MAP2K5: variants seen among roughly 807,000 people sequenced by gnomAD.
MAP2K5 encodes mitogen-activated protein kinase kinase 5, also known as dual specificity mitogen-activated protein kinase kinase 5.
MAP2K5 carries 49 observed loss-of-function variants against 83.1 expected under a neutral mutation model. That is an observed-to-expected ratio of 0.59 (90% CI 0.47 to 0.75). The LOEUF (loss-of-function observed/expected upper bound fraction) is 0.75. Among genes scored for constraint, MAP2K5 ranks in the 30% least tolerant of loss-of-function variants. MAP2K5 has a pLI of 0.00. For synonymous variants in MAP2K5, 202 were observed against 191.8 expected (o/e 1.05, Z -0.44); for missense variants, 457 against 557.5 (o/e 0.82, Z 1.82).
intron 8 of MAP2K5, among the ~76,000 whole-genome samples, chr15:67,610,962 A>G (rs575668639): frequency 3.9e-5 from 6 of 152,340 alleles, no homozygotes; most frequent in Admixed American, 3.3e-4. Flanking sequence ...GTGAATTTAA[A>G]TAATAAAATG....
At chr15:67,709,069 T>C (rs1473905266) in intron 16 of MAP2K5, among the ~76,000 whole-genome samples, 1 of 152,212 alleles carries the variant, frequency 6.6e-6, no homozygotes, top group Non-Finnish European at 1.5e-5. Flanking sequence ...TTTGACTTGA[T>C]GGGAAGAATT....
At chr15:67,571,632 T>C (rs1160905570) in intron 3 of MAP2K5, among the ~76,000 whole-genome samples, 1 of 152,170 alleles carries the variant, frequency 6.6e-6, no homozygotes, top group Admixed American at 6.5e-5. Context: ...TAAGAAGGTT[T>C]CCCATATACC....
chr15:67,608,821 G>T (rs115680368), intron 8 of MAP2K5, among the ~76,000 whole-genome samples: 5 of 152,144 alleles, frequency 3.3e-5, no homozygotes, highest in Non-Finnish European at 7.4e-5. Flanking sequence ...AGTGATTAAT[G>T]TACTCTTTCT....
At chr15:67,804,741 C>T (rs913939858) in intron 21 of MAP2K5, among the ~76,000 whole-genome samples, 4 of 152,218 alleles carry the variant, frequency 2.6e-5, no homozygotes, top group African/African-American at 7.2e-5. Flanking sequence ...GCCCGTCACT[C>T]GTGAGCACAG....
At chr15:67,646,052 A>G (rs1021601085) in intron 9 of MAP2K5, among the ~76,000 whole-genome samples, 179 bp from the exon 10 acceptor site, 4 of 152,160 alleles carry the variant, frequency 2.6e-5, no homozygotes, top group Non-Finnish European at 4.4e-5. Context: ...CCCCCAGTAT[A>G]GAAGGACAAA....
chr15:67,657,151 C>G (rs1263081589), intron 11 of MAP2K5, among the ~76,000 whole-genome samples: 1 of 152,152 alleles, frequency 6.6e-6, no homozygotes, highest in Non-Finnish European at 1.5e-5. Flanking sequence ...TTGGCTTCTT[C>G]TACTGATAAT....
Position 67,693,275 on chromosome 15 carries a change from A to G in MAP2K5, c.922-243A>G, listed in dbSNP as rs548864611. Among the ~76,000 whole-genome samples the G allele has an allele frequency of 2.0e-5, 3 of 152,360 alleles. No homozygotes were observed. In the East Asian group the frequency reaches 5.8e-4, roughly 29 times the overall value. On this transcript the variant is annotated intron_variant, in intron 14 of 21. Coordinates refer to ENST00000178640, the MANE Select transcript of MAP2K5 (RefSeq NM_145160.3). ...TACTAAAGCGATAAGTATCCTGCTTAAGTGAATTGTTTAAGGTTATCTGCT... is the reference window on the plus strand; with the variant it reads ...TACTAAAGCGATAAGTATCCTGCTTGAGTGAATTGTTTAAGGTTATCTGCT...
chr15:67,747,471 T>C lies in MAP2K5; in HGVS notation c.1075-760T>C, dbSNP rs1481068271. ...CTGAAGTGTTTAGTACTTTAATGAC[T>C]AAGTGGATGTTTTATTAATTTTTAT... is the stretch of plus-strand genomic sequence containing the variant. On this transcript the variant is annotated intron_variant, in intron 17 of 21. Coordinates refer to ENST00000178640, the MANE Select transcript of MAP2K5 (RefSeq NM_145160.3). This position sits in a 1 kb window ranked among gnomAD's most constrained non-coding sequence, Gnocchi z 4.1. Among the ~76,000 whole-genome samples the C allele has an allele frequency of 6.6e-6, 1 of 152,252 alleles. No homozygotes were observed. The highest frequency in any genetic ancestry group is 1.5e-5 in the Non-Finnish European group (1 of 68,048).
intron 21 of MAP2K5, among the ~76,000 whole-genome samples, chr15:67,784,883 A>G (rs909532787): frequency 1.2e-4 from 18 of 152,168 alleles, no homozygotes; most frequent in Admixed American, 1.1e-3. Flanking sequence ...TACTGAGCAC[A>G]TTCGTGTTTA....
chr15:67,662,148 A>G (rs956128880), intron 12 of MAP2K5, among the ~76,000 whole-genome samples: 9 of 152,124 alleles, frequency 5.9e-5, no homozygotes, highest in Non-Finnish European at 1.3e-4. Context: ...ATGTTAGCAA[A>G]TCTTTCAGGA....
chr15:67,608,613 C>T (rs573692574), intron 8 of MAP2K5, among the ~76,000 whole-genome samples: 8 of 152,286 alleles, frequency 5.3e-5, no homozygotes, highest in Non-Finnish European at 1.0e-4. Context: ...GAGGAACTGG[C>T]ATTTGAGCTG....
intron 4 of MAP2K5, among the ~76,000 whole-genome samples, chr15:67,582,831 CA>C (rs2085210288): frequency 6.6e-6 from 1 of 150,512 alleles, no homozygotes; most frequent in Non-Finnish European, 1.5e-5. Flanking sequence ...AAAACACACA[CA>C]CACACACACA....
chr15:67,595,538 C>T (rs1168321037), intron 7 of MAP2K5, among the ~76,000 whole-genome samples: 2 of 152,036 alleles, frequency 1.3e-5, no homozygotes, highest in Non-Finnish European at 2.9e-5. Flanking sequence ...GGTACTGATT[C>T]TTCTTAACAC....
rs2085028603 is a variant in MAP2K5 at position 67,575,220 on chromosome 15, G to A, written c.253-5534G>A. On this transcript the variant is annotated intron_variant, in intron 3 of 21. Coordinates refer to ENST00000178640, the MANE Select transcript of MAP2K5 (RefSeq NM_145160.3). ...CTCTGGTAGTTGAAACTTTGAAGTG[G>A]CTAAAGTAACTCAAGGAGAGTGTAA... Among the ~76,000 whole-genome samples the A allele has an allele frequency of 2.0e-5, 3 of 152,174 alleles. No individual in the cohort carries two copies. The South Asian group carries it at 6.2e-4, about 31-fold the overall frequency.
At chr15:67,617,317 T>C (rs936605163) in intron 8 of MAP2K5, among the ~76,000 whole-genome samples, 2 of 152,210 alleles carry the variant, frequency 1.3e-5, no homozygotes, top group Non-Finnish European at 2.9e-5. Flanking sequence ...ATAAATTCTT[T>C]CTGCTCATAA....
chr15:67,676,436 T>C lies in MAP2K5; in HGVS notation c.847+11791T>C, dbSNP rs564543160. ...CGTATTAAAGTAAGAGATTTATCCT[T>C]GGGACATTTTGCCAAGCAGAATGGA... is the stretch of plus-strand genomic sequence containing the variant. On this transcript the variant is annotated intron_variant, in intron 13 of 21. Coordinates refer to ENST00000178640, the MANE Select transcript of MAP2K5 (RefSeq NM_145160.3). The surrounding 1 kb of genome is among the most constrained non-coding windows in gnomAD (Gnocchi z 4.8). Among the ~76,000 whole-genome samples, 311 of 152,268 alleles carry C rather than the reference T, an allele frequency of 2.0e-3. 1 individual carries two copies. Among genetic ancestry groups the C allele is most frequent in the African/African-American group, 7.3e-3 (302 of 41,542 alleles).
At position 67,722,483 on chromosome 15, in the gene MAP2K5, C is replaced by T. The variant is rs539863238; in HGVS notation, c.1045-5433C>T. 6.6e-5 allele frequency among the ~76,000 whole-genome samples: 10 copies of T among 151,952 alleles called. No homozygotes were observed. In the South Asian group the frequency reaches 2.1e-3, roughly 32 times the overall value. On this transcript the variant is annotated intron_variant, in intron 16 of 21. Coordinates refer to ENST00000178640, the MANE Select transcript of MAP2K5 (RefSeq NM_145160.3). The surrounding 1 kb of genome is among the most constrained non-coding windows in gnomAD (Gnocchi z 4.2). ...AAAGCACTTTAACACCGGTAAATTG[C>T]TGTTATATCCTTTGGATTGTTTTTA...
chr15:67,701,711 A>G (rs972858533), intron 15 of MAP2K5, among the ~76,000 whole-genome samples: 1 of 152,186 alleles, frequency 6.6e-6, no homozygotes, highest in Non-Finnish European at 1.5e-5. Flanking sequence ...GAGGATCTCT[A>G]GCCCCACCCC....
intron 9 of MAP2K5, among the ~76,000 whole-genome samples, chr15:67,635,249 G>A (rs933397967): frequency 5.4e-5 from 8 of 149,214 alleles, no homozygotes; most frequent in Admixed American, 2.7e-4. Flanking sequence ...GCAGTGGTGC[G>A]ATCTCGGCTC....
Sources: gnomAD v4.1 joint callset for allele counts (sites outside exome capture counted in the v4.1 genomes callset) on GRCh38, gnomAD v4.1.1 for gene constraint, Gnocchi (gnomAD v3.1) non-coding constraint, MANE v1.5 for transcripts, NCBI Gene and HGNC (gene_info 2026-07-23, HGNC 2026-07-21) for gene names.